IQSEC3: variants seen among roughly 807,000 people sequenced by gnomAD.
IQSEC3 encodes the protein IQ motif and Sec7 domain ArfGEF 3, also known as IQ motif and SEC7 domain-containing protein 3.
Under a neutral mutation model 105.4 loss-of-function variants are expected in IQSEC3, and 50 were observed. The observed-to-expected ratio is 0.47, with a 90% CI of 0.38 to 0.60. IQSEC3 has a LOEUF of 0.60. Ranked by LOEUF, IQSEC3 falls within the 20% of genes least tolerant of loss-of-function variation. The pLI is 0.00. For missense variants in IQSEC3, 1,415 were observed against 1,630.0 expected (o/e 0.87, Z 2.27); for synonymous variants, 708 against 746.0 (o/e 0.95, Z 0.83).
intron 1 of IQSEC3, among the ~76,000 whole-genome samples, chr12:94,619 G>A (rs1479233149): frequency 6.6e-6 from 1 of 152,250 alleles, no homozygotes; most frequent in Non-Finnish European, 1.5e-5. Context: ...CCAAGCCCAA[G>A]GTGCTGCAGG....
intron 1 of IQSEC3, among the ~76,000 whole-genome samples, chr12:69,931 G>A (rs1863245789): frequency 6.6e-6 from 1 of 152,264 alleles, no homozygotes; most frequent in Non-Finnish European, 1.5e-5. Flanking sequence ...CATGGAGAGG[G>A]AGAGGTGAGG....
chr12:83,435 G>A (rs1555071228), intron 1 of IQSEC3, among the ~76,000 whole-genome samples: 3 of 151,974 alleles, frequency 2.0e-5, no homozygotes, highest in African/African-American at 4.8e-5. Flanking sequence ...GTGGCTAGGG[G>A]GAGGATAGCT....
chr12:107,111 C>T (rs1330304013), intron 2 of IQSEC3, among the ~76,000 whole-genome samples: 1 of 152,218 alleles, frequency 6.6e-6, no homozygotes, highest in Non-Finnish European at 1.5e-5. Flanking sequence ...GTGTTGCTGT[C>T]TCCAGCAGGG....
chr12:130,852 C>T (rs1019678554), intron 3 of IQSEC3, among the ~76,000 whole-genome samples: 7 of 152,240 alleles, frequency 4.6e-5, no homozygotes, highest in Non-Finnish European at 8.8e-5. Flanking sequence ...TCCCCAGTCT[C>T]TCTGCTCCTC....
rs199738788 is a variant in IQSEC3 at position 141,224 on chromosome 12, C to T, written c.2092C>T (p.Arg698Cys). ...HFLLQRKGLS[R>C]QMIGEFLGNS... ...CCTCCTCCAGCGAAAGGGCCTCAGC[C>T]GCCAGATGATTGGAGAGTTCCTGGG... The change falls in exon 5 of 14, where the codon CGC (arginine) becomes TGC (cysteine). Residue 698 changes from arginine (R) to cysteine (C), a missense_variant. Arg to Cys is a radical substitution (Grantham distance 180, BLOSUM62 -3). Coordinates refer to ENST00000538872, the MANE Select transcript of IQSEC3 (RefSeq NM_001170738.2). The T allele has an allele frequency of 1.4e-5, 23 of 1,613,900 alleles. No individual in the cohort carries two copies. The highest frequency in any genetic ancestry group is 4.0e-5 in the African/African-American group (3 of 74,866).
At chr12:158,657 T>C (rs1866782298) in intron 7 of IQSEC3, among the ~76,000 whole-genome samples, 1 of 152,216 alleles carries the variant, frequency 6.6e-6, no homozygotes, top group Admixed American at 6.5e-5. Context: ...TGGTATCTGG[T>C]CTCTTTTATA....
chr12:99,244 C>A, intron 2 of IQSEC3, 30 bp downstream of exon 2: 14 of 1,584,646 alleles, frequency 8.8e-6, no homozygotes, highest in Non-Finnish European at 1.2e-5. Context: ...CTCCCTTCCG[C>A]ATCCCCACCT....
chr12:100,784 C>A lies in IQSEC3; in HGVS notation c.623+1570C>A, dbSNP rs781887424. Among the ~76,000 whole-genome samples, 3 of 152,246 alleles carry A rather than the reference C, an allele frequency of 2.0e-5. No individual in the cohort carries two copies. In the East Asian group the frequency reaches 5.8e-4, roughly 29 times the overall value. On this transcript the variant is annotated intron_variant, in intron 2 of 13. Transcript: ENST00000538872. ...GGATACCCTCAAAAGAAAAACTGCT[C>A]ACCTGCAAATTAGAAGGAAGAAGAG...
intron 13 of IQSEC3, among the ~76,000 whole-genome samples, chr12:174,178 G>A (rs547402906): frequency 1.3e-5 from 2 of 152,234 alleles, no homozygotes; most frequent in South Asian, 2.1e-4. Flanking sequence ...GCTCAATAAC[G>A]CTTGGCTCTG....
At chr12:173,879 C>T (rs1475316582) in intron 13 of IQSEC3, among the ~76,000 whole-genome samples, 1 of 152,196 alleles carries the variant, frequency 6.6e-6, no homozygotes. Context: ...ATCTGGGCCA[C>T]CTCCTCCTGC....
intron 1 of IQSEC3, among the ~76,000 whole-genome samples, chr12:72,547 AC>A (rs1863359618): frequency 7.5e-6 from 1 of 132,954 alleles, no homozygotes; most frequent in Admixed American, 7.6e-5. Flanking sequence ...GGCCCTGGGG[AC>A]ACTCTCACTG....
intron 3 of IQSEC3, among the ~76,000 whole-genome samples, chr12:127,769 G>T (rs538347126): frequency 6.6e-6 from 1 of 152,184 alleles, no homozygotes; most frequent in East Asian, 1.9e-4. Flanking sequence ...TGTAGATTCT[G>T]GATATTAGCC....
At chr12:86,772 G>T (rs1280917245) in intron 1 of IQSEC3, among the ~76,000 whole-genome samples, 2 of 152,058 alleles carry the variant, frequency 1.3e-5, no homozygotes, top group African/African-American at 2.4e-5. Context: ...ACCTGATGAG[G>T]TCATTTCTTG....
At chr12:107,631 C>T (rs1002856645) in intron 2 of IQSEC3, among the ~76,000 whole-genome samples, 18 of 151,938 alleles carry the variant, frequency 1.2e-4, no homozygotes, top group South Asian at 4.2e-4. Flanking sequence ...AGGATGGTCT[C>T]GATCTCCTGA....
In IQSEC3 at chr12:162,041, G is replaced by A. The variant is rs1866916116; in HGVS notation, c.2559G>A (p.Glu853=). The A allele has an allele frequency of 1.9e-6, 3 of 1,613,716 alleles. No homozygotes were observed. The highest frequency in any genetic ancestry group is 3.3e-5 in the Admixed American group (2 of 59,996). The change falls in exon 8 of 14, where the codon GAG becomes GAA. Residue 853 remains glutamate, a synonymous_variant. Transcript: ENST00000538872. ...ACGTCACGTACGTCACCAAGGTGGA[G>A]AAGTCCATTGTGGGCATGAAGACAG... ...EDHVTYVTKV[E]KSIVGMKTVL...
At chr12:107,496 G>A (rs1027719777) in intron 2 of IQSEC3, among the ~76,000 whole-genome samples, 18 of 126,540 alleles carry the variant, frequency 1.4e-4, no homozygotes, top group Admixed American at 3.1e-4. Flanking sequence ...TGCAAGCTCC[G>A]CCTCCCGGGT....
intron 2 of IQSEC3, among the ~76,000 whole-genome samples, chr12:118,059 G>A (rs1163931058): frequency 6.6e-6 from 1 of 152,172 alleles, no homozygotes; most frequent in African/African-American, 2.4e-5. Context: ...ATGCCAAAGT[G>A]TCTTGTCCAA....
intron 2 of IQSEC3, among the ~76,000 whole-genome samples, chr12:114,401 A>G (rs1864988555): frequency 6.6e-6 from 1 of 152,238 alleles, no homozygotes; most frequent in Non-Finnish European, 1.5e-5. Flanking sequence ...CCCATGGGAT[A>G]GCAGGTGTTG....
chr12:108,985 C>T lies in IQSEC3; in HGVS notation c.623+9771C>T, dbSNP rs111563086. 6.7e-3 allele frequency among the ~76,000 whole-genome samples: 1,020 copies of T among 152,340 alleles called. 14 individuals are homozygous for T. The highest frequency in any genetic ancestry group is 0.024 in the African/African-American group (985 of 41,582). ...TCTGGGAGGGGACTTGGTGGCTTTT[C>T]GTCAGCTGCAAGGGTCGCCCCTTGG... On this transcript the variant is annotated intron_variant, in intron 2 of 13. Transcript: ENST00000538872.
Sources: allele counts gnomAD v4.1 joint callset (sites outside exome capture counted in the v4.1 genomes callset), GRCh38; gene constraint gnomAD v4.1.1; transcripts MANE v1.5; gene names NCBI Gene and HGNC (gene_info 2026-07-23, HGNC 2026-07-21).